ZNF124: variants seen among roughly 807,000 people sequenced by gnomAD.
ZNF124 encodes the protein zinc finger protein HZF-16.
A neutral mutation model predicts 26.6 loss-of-function variants in ZNF124; 25 were observed. The ratio of observed to expected loss-of-function variants is 0.94; its 90% CI spans 0.68 to 1.31. ZNF124 has a LOEUF of 1.31. ZNF124 is among the 40% of genes most tolerant of loss of function. The pLI is 0.00. For missense variants in ZNF124, 444 were observed against 422.2 expected (o/e 1.05, Z -0.45); for synonymous variants, 129 against 133.3 (o/e 0.97, Z 0.22).
rs146390954 is a variant in ZNF124 at position 247,156,377 on chromosome 1, A to G, written c.*189T>C. 15 of 1,253,414 alleles carry G rather than the reference A, an allele frequency of 1.2e-5. No homozygotes were observed. In the East Asian group the frequency reaches 4.3e-4, roughly 36 times the overall value. 77.6% of individuals were successfully genotyped at this position (1,253,414 alleles called of 1,614,324 possible). ...TTCAGTGAGTCCTTTCAAGTTTTCA[A>G]AAAGAAATGGAAAAATTGAATGCTT... is the stretch of plus-strand genomic sequence containing the variant. On this transcript the variant is annotated 3_prime_UTR_variant, in exon 4 of 4. Transcript: ENST00000543802.
chr1:247,156,075 T>G lies in ZNF124; in HGVS notation c.*491A>C. The G allele has an allele frequency of 1.0e-6, 1 of 976,412 alleles. No individual in the cohort carries two copies. The highest frequency in any genetic ancestry group is 1.2e-6 in the Non-Finnish European group (1 of 821,684). 60.5% of individuals were successfully genotyped at this position (976,412 alleles called of 1,614,324 possible). ...AATATTTACATTTACAGGATTTATT[T>G]CCAGTGGGAGTTTTCACATGACCTT... On this transcript the variant is annotated 3_prime_UTR_variant, in exon 4 of 4. Transcript: ENST00000543802.
intron 3 of ZNF124, among the ~76,000 whole-genome samples, chr1:247,127,819 C>T (rs1383122476): frequency 6.7e-6 from 1 of 149,712 alleles, no homozygotes; most frequent in African/African-American, 2.4e-5. Flanking sequence ...TTTTTGGAGA[C>T]GTGAGTCTTG....
chr1:247,137,487 CAAAAAAAAAAA>C lies in ZNF124; in HGVS notation c.219-13627_219-13617del, dbSNP rs56926662. Among the ~76,000 whole-genome samples, 19 of 81,646 alleles carry C rather than the reference CAAAAAAAAAAA, an allele frequency of 2.3e-4. No individual in the cohort carries two copies. The East Asian group carries it at 4.1e-3, about 17-fold the overall frequency. The allele number at this position is 81,646 out of a possible 152,430, so 53.6% of individuals were successfully genotyped here. ...CGAAACCCTGTCTCTACTAAAAATACAAAAAAAAAAAAAAAAAAAAAAAGAAAGAAAACCTA... is the reference window on the plus strand; with the variant it reads ...CGAAACCCTGTCTCTACTAAAAATACAAAAAAAAAAAAGAAAGAAAACCTA... On this transcript the variant is annotated intron_variant, in intron 3 of 3. Coordinates refer to the ZNF124 transcript ENST00000472531.
chr1:247,128,946 G>T (rs1672284101), intron 3 of ZNF124, among the ~76,000 whole-genome samples: 1 of 71,724 alleles, frequency 1.4e-5, no homozygotes. Context: ...CCCCCAGCAG[G>T]ATGGGGTGGG....
At chr1:247,154,282 G>C (rs761989206), downstream of ZNF124, among the ~76,000 whole-genome samples, 1 of 152,174 alleles carries the variant, frequency 6.6e-6, no homozygotes, top group Non-Finnish European at 1.5e-5. Context: ...AGTCTCATGA[G>C]ATCTGATGGT....
chr1:247,167,446 C>G (rs1673844042), intron 1 of ZNF124, among the ~76,000 whole-genome samples: 1 of 152,188 alleles, frequency 6.6e-6, no homozygotes, highest in African/African-American at 2.4e-5. Context: ...ATGTACCACA[C>G]TTTTGTGTGT....
At chr1:247,153,256 T>TA (rs1385554383), downstream of ZNF124, among the ~76,000 whole-genome samples, 1 of 152,186 alleles carries the variant, frequency 6.6e-6, no homozygotes, top group Admixed American at 6.5e-5. Context: ...GTACACCAGT[T>TA]AAAGTGTCCC....
rs1350756330 is a variant in ZNF124, at chr1:247,170,634, AC to A, written c.30+1213del. Among the ~76,000 whole-genome samples, 8 of 143,974 alleles carry A rather than the reference AC, an allele frequency of 5.6e-5. 1 individual carries two copies. The highest frequency in any genetic ancestry group is 1.2e-4 in the Non-Finnish European group (8 of 67,426). 94.5% of individuals were successfully genotyped at this position (143,974 alleles called of 152,430 possible). On this transcript the variant is annotated intron_variant, in intron 1 of 3. Coordinates refer to ENST00000543802, the MANE Select transcript of ZNF124 (RefSeq NM_001297568.2). ...TTTGGCAAGACTCACGTCTCCAAAA[AC>A]CCAGCTCCCCAAGTGAGCAATTCCT...
chr1:247,165,604 C>G (rs921923847), intron 1 of ZNF124, among the ~76,000 whole-genome samples: 4 of 152,110 alleles, frequency 2.6e-5, no homozygotes, highest in African/African-American at 9.7e-5. Context: ...GCAAAACAAA[C>G]TAACGGGATT....
chr1:247,162,115 T>G (rs10754537), intron 1 of ZNF124, among the ~76,000 whole-genome samples: 70,597 of 151,910 alleles, frequency 0.46, 19,159 homozygotes, highest in African/African-American at 0.76. Context: ...TTCCTAAAGG[T>G]AGTGCTAAAT....
chr1:247,161,386 T>C (rs1015732249), intron 1 of ZNF124, among the ~76,000 whole-genome samples: 1 of 152,180 alleles, frequency 6.6e-6, no homozygotes, highest in African/African-American at 2.4e-5. Context: ...AAAAATGAAT[T>C]GCATTGACCT....
rs1673182413 is a variant in ZNF124 at position 247,157,035 on chromosome 1, T to C, written c.587A>G (p.His196Arg). ...AFSRSSHLRDHERTHTGEKPY... is the reference protein window; with the variant it reads ...AFSRSSHLRDRERTHTGEKPY... ...TTTCTCTCCAGTATGAGTTCTTTCA[T>C]GGTCACGAAGGTGACTGGAACGACT... is the stretch of plus-strand genomic sequence containing the variant. Residue 196 changes from histidine (H) to arginine (R), a missense_variant, in exon 4 of 4, where the codon CAT becomes CGT. By Grantham distance (29) the His-to-Arg change is conservative (BLOSUM62 0). Coordinates refer to ENST00000543802, the MANE Select transcript of ZNF124 (RefSeq NM_001297568.2). The C allele has an allele frequency of 6.8e-6, 11 of 1,614,178 alleles. No homozygotes were observed. The highest frequency in any genetic ancestry group is 9.3e-6 in the Non-Finnish European group (11 of 1,180,022).
intron 3 of ZNF124, among the ~76,000 whole-genome samples, chr1:247,138,972 C>A (rs1268062101): frequency 2.0e-5 from 3 of 152,218 alleles, no homozygotes; most frequent in African/African-American, 7.2e-5. Flanking sequence ...AGAATGCAAC[C>A]ATTGTCTCTT....
chr1:247,156,395 G>T lies in ZNF124; in HGVS notation c.*171C>A. 1.6e-6 allele frequency: 2 copies of T among 1,257,236 alleles called. No homozygotes were observed. Among genetic ancestry groups the T allele is most frequent in the Middle Eastern group, 6.1e-4 (2 of 3,276 alleles). The allele number at this position is 1,257,236 out of a possible 1,614,324, so 77.9% of individuals were successfully genotyped here. On this transcript the variant is annotated 3_prime_UTR_variant, in exon 4 of 4. Transcript: ENST00000543802. Reference sequence around the variant, plus strand: ...GTTTTCAAAAAGAAATGGAAAAATTGAATGCTTTACCTTATTGCTTATAGT... The same window carrying T: ...GTTTTCAAAAAGAAATGGAAAAATTTAATGCTTTACCTTATTGCTTATAGT...
chr1:247,135,351 A>G (rs1252756120), intron 3 of ZNF124, among the ~76,000 whole-genome samples: 1 of 152,136 alleles, frequency 6.6e-6, no homozygotes, highest in Non-Finnish European at 1.5e-5. Context: ...TGATAAAGGG[A>G]GTTATCACCA....
Position 247,156,996 on chromosome 1 carries a change from T to C in ZNF124, c.626A>G (p.Lys209Arg). Residue 209 changes from lysine (K) to arginine (R), a missense_variant, in exon 4 of 4, where the codon AAG becomes AGG. By Grantham distance (26) the Lys-to-Arg change is conservative. Coordinates refer to ENST00000543802, the MANE Select transcript of ZNF124 (RefSeq NM_001297568.2). ...THTGEKPYEC[K>R]HCGKAFRYSN... ...GTAACGGAAGGCTTTCCCACAGTGC[T>C]TACATTCATAGGGTTTCTCTCCAGT... 8 of 1,613,886 alleles carry C rather than the reference T, an allele frequency of 5.0e-6. No individual in the cohort carries two copies. The highest frequency in any genetic ancestry group is 6.8e-6 in the Non-Finnish European group (8 of 1,179,950).
downstream of ZNF124, among the ~76,000 whole-genome samples, chr1:247,152,173 A>C (rs1672966228): frequency 6.6e-6 from 1 of 151,546 alleles, no homozygotes; most frequent in Admixed American, 6.6e-5. Context: ...AATACATGTA[A>C]GAATTTTTGT....
At chr1:247,133,465 G>C (rs775649595) in intron 3 of ZNF124, among the ~76,000 whole-genome samples, 7 of 151,930 alleles carry the variant, frequency 4.6e-5, no homozygotes, top group Non-Finnish European at 1.0e-4. Context: ...TCCTCAAGAA[G>C]AACAACCCCA....
chr1:247,156,327 AT>A lies in ZNF124; in HGVS notation c.*238del. On this transcript the variant is annotated 3_prime_UTR_variant, in exon 4 of 4. Coordinates refer to ENST00000543802, the MANE Select transcript of ZNF124 (RefSeq NM_001297568.2). ...CTGGAACAACTGCAGGCCTTACCACATTTTAAACATTCATATGGATTTTCTT... is the reference window on the plus strand; with the variant it reads ...CTGGAACAACTGCAGGCCTTACCACATTTAAACATTCATATGGATTTTCTT... 1 of 1,215,966 alleles carries A rather than the reference AT, an allele frequency of 8.2e-7. No individual in the cohort carries two copies. The highest frequency in any genetic ancestry group is 1.0e-6 in the Non-Finnish European group (1 of 977,406). The allele number at this position is 1,215,966 out of a possible 1,614,324, so 75.3% of individuals were successfully genotyped here. A position where few individuals can be genotyped will look rare whatever the true frequency, so the allele number is the denominator to read the frequency against.
Sources: allele counts gnomAD v4.1 joint callset (sites outside exome capture counted in the v4.1 genomes callset), GRCh38; gene constraint gnomAD v4.1.1; transcripts MANE v1.5; gene names NCBI Gene and HGNC (gene_info 2026-07-23, HGNC 2026-07-21).